Variants in ITSN1 observed in about 807,000 individuals in gnomAD.
ITSN1 encodes intersectin 1, also known as intersectin-1.
ITSN1 carries 58 observed loss-of-function variants against 239.8 expected under a neutral mutation model. The observed-to-expected ratio is 0.24, with a 90% CI of 0.20 to 0.30. The LOEUF (loss-of-function observed/expected upper bound fraction) is 0.30. ITSN1 is among the 10% of genes least tolerant of loss of function. ITSN1 has a pLI of 1.00. For missense variants in ITSN1, 1,558 were observed against 2,103.3 expected (o/e 0.74, Z 5.07); for synonymous variants, 780 against 770.8 (o/e 1.01, Z -0.20).
At chr21:33,864,280 C>G (rs1464951321) in intron 31 of ITSN1, among the ~76,000 whole-genome samples, 1 of 152,202 alleles carries the variant, frequency 6.6e-6, no homozygotes, top group African/African-American at 2.4e-5. Context: ...TGATCACTAA[C>G]TAGGATAGCT....
intron 12 of ITSN1, among the ~76,000 whole-genome samples, chr21:33,773,342 T>G (rs2069326015): frequency 6.6e-6 from 1 of 152,074 alleles, no homozygotes; most frequent in South Asian, 2.1e-4. Context: ...TTTAAAAATA[T>G]GTCTGGGACA....
chr21:33,818,427 A>C lies in ITSN1; in HGVS notation c.2888A>C (p.Lys963Thr). The C allele has an allele frequency of 6.2e-7, 1 of 1,614,220 alleles. No individual in the cohort carries two copies. Among genetic ancestry groups the C allele is most frequent in the Non-Finnish European group, 8.5e-7 (1 of 1,180,044 alleles). ...EVQGQKGWFP[K>T]SYVKLISGPI... ...CAAGGTCAGAAGGGTTGGTTCCCCA[A>C]GTCTTACGTGAAACTCATTTCAGGG... Residue 963 changes from lysine to threonine, a missense_variant, in exon 23 of 40, where the codon AAG (lysine) becomes ACG (threonine). By Grantham distance (78) the Lys-to-Thr change is moderately conservative. Coordinates refer to ENST00000381318, the MANE Select transcript of ITSN1 (RefSeq NM_003024.3).
intron 1 of ITSN1, among the ~76,000 whole-genome samples, chr21:33,677,765 C>T (rs1039072478): frequency 2.0e-5 from 3 of 152,142 alleles, no homozygotes; most frequent in African/African-American, 4.8e-5. Flanking sequence ...TCTTTGATTC[C>T]GCTCTTCCAC....
At chr21:33,649,597 T>C (rs553302316) in intron 1 of ITSN1, among the ~76,000 whole-genome samples, 2 of 152,170 alleles carry the variant, frequency 1.3e-5, no homozygotes, top group African/African-American at 4.8e-5. Flanking sequence ...TGTCATTGTT[T>C]TTGTGTGGTA....
Position 33,772,246 on chromosome 21 carries a change from G to C in ITSN1, c.1228G>C (p.Glu410Gln). The C allele has an allele frequency of 6.2e-7, 1 of 1,605,282 alleles. No individual in the cohort carries two copies. The highest frequency in any genetic ancestry group is 8.5e-7 in the Non-Finnish European group (1 of 1,175,546). ...AGAGCGCAAAAGACAACTGGAACTG[G>C]AGAAGCAACTGGAAAAGCAGCGGGA... Reference protein sequence around the residue: ...EQERKRQLELEKQLEKQRELE... With the variant: ...EQERKRQLELQKQLEKQRELE... Residue 410 changes from glutamate to glutamine, a missense_variant, in exon 12 of 40, where the codon GAG (glutamate) becomes CAG (glutamine). Physicochemically the swap from Glu to Gln is conservative, Grantham distance 29 (BLOSUM62 2). Around this residue, in one of 2 missense-constraint regions of ITSN1, gnomAD observed 982 missense variants for 1,209.9 expected, o/e 0.81. Coordinates refer to ENST00000381318, the MANE Select transcript of ITSN1 (RefSeq NM_003024.3).
At chr21:33,811,856 C>T (rs1240016314) in intron 21 of ITSN1, among the ~76,000 whole-genome samples, 3 of 152,062 alleles carry the variant, frequency 2.0e-5, no homozygotes, top group African/African-American at 7.2e-5. Context: ...CCTAGATGAG[C>T]AATTGTCTAA....
intron 1 of ITSN1, among the ~76,000 whole-genome samples, chr21:33,670,795 T>C (rs543676936): frequency 8.4e-4 from 128 of 152,330 alleles, no homozygotes; most frequent in Non-Finnish European, 9.4e-4. Context: ...ACATGCTCAC[T>C]AGGTCAGGTG....
chr21:33,842,577 G>A (rs1383560984), intron 29 of ITSN1, among the ~76,000 whole-genome samples: 1 of 151,900 alleles, frequency 6.6e-6, no homozygotes, highest in Non-Finnish European at 1.5e-5. Context: ...GCCTACATCT[G>A]TAGCTTGGTG....
chr21:33,691,473 C>T (rs1350598432), intron 1 of ITSN1, among the ~76,000 whole-genome samples: 2 of 152,034 alleles, frequency 1.3e-5, no homozygotes, highest in African/African-American at 4.8e-5. Flanking sequence ...ATTGCAATGG[C>T]GGGGAGAGAT....
chr21:33,795,133 G>A (rs946769009), intron 17 of ITSN1, among the ~76,000 whole-genome samples: 1 of 152,056 alleles, frequency 6.6e-6, no homozygotes, highest in Admixed American at 6.5e-5. Flanking sequence ...TGACAGCCCC[G>A]TAAATTATAA....
At chr21:33,766,095 T>C in intron 10 of ITSN1, 83 bp downstream of exon 10, 18 of 1,420,594 alleles carry the variant, frequency 1.3e-5, no homozygotes, top group South Asian at 6.0e-5. Context: ...GTGTCTTACC[T>C]GATTTTCATC....
intron 35 of ITSN1, 124 bp from the exon 36 acceptor site, chr21:33,883,426 C>A: frequency 7.7e-7 from 1 of 1,307,084 alleles, no homozygotes; most frequent in East Asian, 2.5e-5. Context: ...AGTGTGCACA[C>A]ACGCGCTGAC....
intron 33 of ITSN1, among the ~76,000 whole-genome samples, chr21:33,872,399 T>TAAAACATATAAAACA (rs1982902675): frequency 1.3e-5 from 2 of 151,924 alleles, no homozygotes; most frequent in African/African-American, 4.9e-5. Flanking sequence ...TAATGATATA[T>TAAAACATATAAAACA]TATAAAACCC....
intron 38 of ITSN1, among the ~76,000 whole-genome samples, chr21:33,886,076 C>T (rs976265094): frequency 6.6e-6 from 1 of 152,006 alleles, no homozygotes; most frequent in Non-Finnish European, 1.5e-5. Context: ...GGCATGGGGG[C>T]AGCCACCTGT....
At chr21:33,872,422 T>C (rs950036104) in intron 33 of ITSN1, among the ~76,000 whole-genome samples, 24 of 152,354 alleles carry the variant, frequency 1.6e-4, no homozygotes, top group African/African-American at 5.8e-4. Flanking sequence ...AAAATGATAA[T>C]ATGTATGAAA....
intron 1 of ITSN1, among the ~76,000 whole-genome samples, chr21:33,652,359 AAGCATAC>A (rs1335218186): frequency 3.9e-5 from 6 of 152,146 alleles, no homozygotes; most frequent in Non-Finnish European, 8.8e-5. Flanking sequence ...CTGGGGTTCA[AAGCATAC>A]CTGAGGGCTG....
At chr21:33,791,042 A>ATT (rs1390265380) in intron 16 of ITSN1, among the ~76,000 whole-genome samples, 1 of 152,160 alleles carries the variant, frequency 6.6e-6, no homozygotes, top group African/African-American at 2.4e-5. Context: ...TCATTCACTC[A>ATT]TTTTTTTAAG....
chr21:33,740,305 G>A (rs532697356), intron 5 of ITSN1, among the ~76,000 whole-genome samples: 2 of 152,240 alleles, frequency 1.3e-5, no homozygotes, highest in East Asian at 3.9e-4. Flanking sequence ...ATGTCTTAGG[G>A]GCAAGCTTAG....
chr21:33,740,147 G>A (rs908278552), intron 5 of ITSN1, among the ~76,000 whole-genome samples: 2 of 152,186 alleles, frequency 1.3e-5, no homozygotes, highest in African/African-American at 4.8e-5. Context: ...AAGAGGAATG[G>A]TTTTAAAGGA....
Sources: allele counts gnomAD v4.1 joint callset (sites outside exome capture counted in the v4.1 genomes callset), GRCh38; gene constraint gnomAD v4.1.1; regional missense constraint gnomAD v4.1.1; transcripts MANE v1.5; gene names NCBI Gene and HGNC (gene_info 2026-07-23, HGNC 2026-07-21).